GRID1: variants seen among roughly 807,000 people sequenced by gnomAD.
GRID1 encodes glutamate receptor ionotropic, delta-1.
GRID1 carries 28 observed loss-of-function variants against 98.0 expected under a neutral mutation model. The observed-to-expected ratio is 0.29, with a 90% CI of 0.21 to 0.39. GRID1 has a LOEUF of 0.39. Ranked by LOEUF, GRID1 falls within the 10% of genes least tolerant of loss-of-function variation. The pLI is 1.00. For missense variants in GRID1, 1,111 were observed against 1,340.5 expected (o/e 0.83, Z 2.67); for synonymous variants, 553 against 538.5 (o/e 1.03, Z -0.37).
intron 3 of GRID1, among the ~76,000 whole-genome samples, chr10:86,204,443 G>A (rs1160592491): frequency 2.0e-5 from 3 of 152,194 alleles, no homozygotes; most frequent in South Asian, 2.1e-4. Flanking sequence ...GCAGGCTGAG[G>A]GCAGGACGAG....
chr10:86,051,844 T>C (rs1371592966), intron 4 of GRID1, among the ~76,000 whole-genome samples: 1 of 152,232 alleles, frequency 6.6e-6, no homozygotes, highest in African/African-American at 2.4e-5. Flanking sequence ...GGTGGGAATA[T>C]AAATTGGCAC....
chr10:85,975,205 C>T (rs1350438835), intron 4 of GRID1, among the ~76,000 whole-genome samples: 1 of 152,216 alleles, frequency 6.6e-6, no homozygotes, highest in Non-Finnish European at 1.5e-5. Context: ...AATTACTTCC[C>T]CACATTCAGT....
intron 8 of GRID1, among the ~76,000 whole-genome samples, chr10:85,852,613 C>T (rs926310915): frequency 2.0e-5 from 3 of 152,190 alleles, no homozygotes; most frequent in Non-Finnish European, 4.4e-5. Context: ...GCGCCAGGAC[C>T]GTGGTCGATG....
chr10:85,853,449 G>A (rs548952774), intron 8 of GRID1, among the ~76,000 whole-genome samples: 6 of 152,048 alleles, frequency 3.9e-5, no homozygotes, highest in South Asian at 2.1e-4. Context: ...AAGTGTGTAC[G>A]TGTGTGTGTG....
chr10:86,122,487 A>T (rs1844691311), intron 4 of GRID1, among the ~76,000 whole-genome samples: 1 of 152,176 alleles, frequency 6.6e-6, no homozygotes, highest in Admixed American at 6.5e-5. Context: ...AGAAATACCC[A>T]ACAGCTGGAA....
At chr10:85,661,184 T>A (rs79829760) in intron 12 of GRID1, among the ~76,000 whole-genome samples, 2,377 of 151,896 alleles carry the variant, frequency 0.016, 62 homozygotes, top group African/African-American at 0.053. Context: ...TTTTTTTTTT[T>A]AGCCCGGGCC....
At chr10:85,877,487 G>A (rs966008699) in intron 5 of GRID1, among the ~76,000 whole-genome samples, 5 of 152,292 alleles carry the variant, frequency 3.3e-5, no homozygotes, top group East Asian at 1.9e-4. Context: ...TGCAGCCACC[G>A]CTGCTGACAC....
chr10:86,279,863 A>T (rs1315640355), intron 2 of GRID1, among the ~76,000 whole-genome samples: 1 of 151,964 alleles, frequency 6.6e-6, no homozygotes, highest in African/African-American at 2.4e-5. Flanking sequence ...TCTACCCTTT[A>T]AAAAAAGGCA....
chr10:86,115,823 T>C (rs1791417468), intron 4 of GRID1, among the ~76,000 whole-genome samples: 1 of 152,260 alleles, frequency 6.6e-6, no homozygotes, highest in African/African-American at 2.4e-5. Flanking sequence ...GATCAGGCAC[T>C]GCTTAACAAC....
intron 3 of GRID1, among the ~76,000 whole-genome samples, chr10:86,151,011 G>A (rs948787591): frequency 1.3e-5 from 2 of 152,140 alleles, no homozygotes; most frequent in African/African-American, 4.8e-5. Flanking sequence ...GTCTTATCCA[G>A]GTCTGACTTC....
intron 2 of GRID1, among the ~76,000 whole-genome samples, chr10:86,301,550 T>C (rs567405129): frequency 6.6e-6 from 1 of 152,302 alleles, no homozygotes; most frequent in South Asian, 2.1e-4. Flanking sequence ...TCAAGGGGCC[T>C]ACCATCCAGC....
intron 4 of GRID1, among the ~76,000 whole-genome samples, chr10:85,934,780 G>A (rs917659977): frequency 5.9e-5 from 9 of 152,148 alleles, no homozygotes; most frequent in African/African-American, 9.7e-5. Flanking sequence ...ACTGCCAGGC[G>A]TGGCCTGAGT....
At chr10:86,029,407 T>A (rs1843156117) in intron 4 of GRID1, among the ~76,000 whole-genome samples, 3 of 152,220 alleles carry the variant, frequency 2.0e-5, no homozygotes, top group Admixed American at 2.0e-4. Context: ...TGAGCTCACC[T>A]TTAAGAGGTC....
At chr10:86,120,311 C>T (rs1349611797) in intron 4 of GRID1, among the ~76,000 whole-genome samples, 1 of 152,186 alleles carries the variant, frequency 6.6e-6, no homozygotes, top group Non-Finnish European at 1.5e-5. Flanking sequence ...TTGGTCCTTG[C>T]CTATCCTTTA....
intron 2 of GRID1, among the ~76,000 whole-genome samples, chr10:86,354,095 C>T (rs1364455695): frequency 6.6e-6 from 1 of 152,224 alleles, no homozygotes; most frequent in East Asian, 1.9e-4. Context: ...AGGAGCGGAC[C>T]CATGGCAGGA....
At chr10:85,975,875 C>T (rs892149514) in intron 4 of GRID1, among the ~76,000 whole-genome samples, 1 of 152,170 alleles carries the variant, frequency 6.6e-6, no homozygotes, top group Non-Finnish European at 1.5e-5. Context: ...ATTTCATCTA[C>T]ATGAAAAATA....
At chr10:85,889,309 A>G (rs1180388190) in intron 5 of GRID1, among the ~76,000 whole-genome samples, 1 of 152,162 alleles carries the variant, frequency 6.6e-6, no homozygotes, top group African/African-American at 2.4e-5. Context: ...ATTTTGTAAC[A>G]TTCACCAACT....
chr10:85,746,747 T>C (rs948386803), intron 8 of GRID1, among the ~76,000 whole-genome samples: 3 of 152,160 alleles, frequency 2.0e-5, no homozygotes, highest in South Asian at 2.1e-4. Context: ...TACAGCTAAG[T>C]GACCTCAGTT....
intron 4 of GRID1, among the ~76,000 whole-genome samples, chr10:85,994,337 G>A (rs1044167440): frequency 6.6e-6 from 1 of 152,126 alleles, no homozygotes; most frequent in Non-Finnish European, 1.5e-5. Flanking sequence ...GGTAAGGCAG[G>A]GTGCTTTCCA....
Sources: allele counts gnomAD v4.1 joint callset (sites outside exome capture counted in the v4.1 genomes callset), GRCh38; gene constraint gnomAD v4.1.1; transcripts MANE v1.5; gene names NCBI Gene and HGNC (gene_info 2026-07-23, HGNC 2026-07-21).